Variants in SOX6 observed in about 807,000 individuals in gnomAD.
SOX6 encodes the protein SRY-box transcription factor 6.
A neutral mutation model predicts 97.8 loss-of-function variants in SOX6; 11 were observed. The ratio of observed to expected loss-of-function variants is 0.11; its 90% confidence interval spans 0.07 to 0.19. The LOEUF (loss-of-function observed/expected upper bound fraction) is 0.19. Ranked by LOEUF, SOX6 falls within the 10% of genes least tolerant of loss-of-function variation. The pLI is 1.00. For synonymous variants in SOX6, 360 were observed against 371.4 expected (o/e 0.97, Z 0.35); for missense variants, 810 against 1,039.5 (o/e 0.78, Z 3.04).
At chr11:16,244,080 T>G (rs546763398) in intron 3 of SOX6, among the ~76,000 whole-genome samples, 8 of 152,026 alleles carry the variant, frequency 5.3e-5, no homozygotes, top group Admixed American at 2.6e-4. Context: ...GACTTTATTT[T>G]TATAAACTGC....
At chr11:16,231,698 TA>T (rs1199211757) in intron 4 of SOX6, among the ~76,000 whole-genome samples, 1 of 146,946 alleles carries the variant, frequency 6.8e-6, no homozygotes, top group Non-Finnish European at 1.5e-5. Flanking sequence ...GTTTTCAAAA[TA>T]GGTGCTCTTT....
At chr11:15,997,602 A>G (rs1854265098) in intron 13 of SOX6, among the ~76,000 whole-genome samples, 1 of 152,242 alleles carries the variant, frequency 6.6e-6, no homozygotes, top group Non-Finnish European at 1.5e-5. Flanking sequence ...CAATAGATTC[A>G]GAAAATGGTT....
intron 4 of SOX6, among the ~76,000 whole-genome samples, chr11:16,225,290 C>G (rs1338558184): frequency 1.3e-5 from 2 of 151,796 alleles, no homozygotes; most frequent in East Asian, 3.9e-4. Flanking sequence ...TGATTAATCT[C>G]TAAGCATTTC....
chr11:16,372,023 C>T (rs887407171), intron 1 of SOX6, among the ~76,000 whole-genome samples: 3 of 151,990 alleles, frequency 2.0e-5, no homozygotes, highest in Admixed American at 2.0e-4. Flanking sequence ...ACAGGTAAAA[C>T]CTCCCAAATT....
At chr11:16,220,228 A>G (rs908010695) in intron 4 of SOX6, among the ~76,000 whole-genome samples, 2 of 151,986 alleles carry the variant, frequency 1.3e-5, no homozygotes, top group Non-Finnish European at 2.9e-5. Flanking sequence ...TTTTAACAGG[A>G]AGCCCTCTAA....
chr11:16,363,119 A>T (rs1046922572), intron 1 of SOX6, among the ~76,000 whole-genome samples: 1 of 152,180 alleles, frequency 6.6e-6, no homozygotes, highest in African/African-American at 2.4e-5. Flanking sequence ...TTCTAAGTCA[A>T]ATTAAACCAC....
At chr11:16,700,252 G>GA (rs373770807) in intron 3 of SOX6, among the ~76,000 whole-genome samples, 16 of 152,190 alleles carry the variant, frequency 1.1e-4, no homozygotes, top group African/African-American at 3.1e-4. Context: ...AAGTATCCAA[G>GA]AAAAGGGTAC....
intron 4 of SOX6, among the ~76,000 whole-genome samples, chr11:16,538,481 A>T (rs1861344999): frequency 6.6e-6 from 1 of 152,162 alleles, no homozygotes; most frequent in African/African-American, 2.4e-5. Flanking sequence ...AACAATATTA[A>T]CCTTAAATGT....
chr11:16,301,115 A>G (rs1173443733), intron 3 of SOX6, among the ~76,000 whole-genome samples: 1 of 152,180 alleles, frequency 6.6e-6, no homozygotes, highest in Non-Finnish European at 1.5e-5. Context: ...AATCACATCA[A>G]TTTGATTTTC....
intron 4 of SOX6, among the ~76,000 whole-genome samples, chr11:16,199,520 C>T (rs1851877143): frequency 6.6e-6 from 1 of 152,076 alleles, no homozygotes. Context: ...TTTCAGTAAA[C>T]TATAAATGTT....
At chr11:16,289,341 G>A (rs1379496927) in intron 3 of SOX6, among the ~76,000 whole-genome samples, 2 of 151,904 alleles carry the variant, frequency 1.3e-5, no homozygotes, top group African/African-American at 4.8e-5. Flanking sequence ...TAACTGACAA[G>A]TCTGGCACAC....
At chr11:16,550,386 G>A (rs1024562714) in intron 4 of SOX6, among the ~76,000 whole-genome samples, 3 of 151,956 alleles carry the variant, frequency 2.0e-5, no homozygotes, top group African/African-American at 7.3e-5. Flanking sequence ...AATGGGTGCA[G>A]CACACCAACA....
intron 9 of SOX6, among the ~76,000 whole-genome samples, chr11:16,093,235 T>A (rs138805697): frequency 3.3e-5 from 5 of 152,058 alleles, no homozygotes; most frequent in Non-Finnish European, 7.4e-5. Flanking sequence ...ATATGAGTAT[T>A]CATGCCTGCA....
At chr11:16,374,161 A>C (rs1258618017) in intron 1 of SOX6, among the ~76,000 whole-genome samples, 1 of 152,046 alleles carries the variant, frequency 6.6e-6, no homozygotes, top group Non-Finnish European at 1.5e-5. Flanking sequence ...CCTCTTCATT[A>C]TTCAGAACAT....
intron 4 of SOX6, among the ~76,000 whole-genome samples, chr11:16,557,820 TTCAGA>T (rs1283238191): frequency 1.3e-5 from 2 of 151,858 alleles, no homozygotes; most frequent in Non-Finnish European, 2.9e-5. Context: ...TTGTTCCTTT[TTCAGA>T]TCAAAGTATC....
chr11:16,314,529 G>A (rs1855706486), intron 3 of SOX6: 1 of 152,148 alleles, frequency 6.6e-6, no homozygotes. Flanking sequence ...AAAAGTTAGA[G>A]ACCATTGTTT....
intron 4 of SOX6, among the ~76,000 whole-genome samples, chr11:16,212,025 T>A (rs560814969): frequency 6.6e-6 from 1 of 152,272 alleles, no homozygotes; most frequent in East Asian, 1.9e-4. Flanking sequence ...GGTAGAAATG[T>A]ACAGTAGAAA....
At chr11:16,400,519 G>A (rs1490093395) in intron 1 of SOX6, among the ~76,000 whole-genome samples, 2 of 151,282 alleles carry the variant, frequency 1.3e-5, no homozygotes, top group Non-Finnish European at 3.0e-5. Flanking sequence ...CTGATGTAAT[G>A]GTAAAACAAA....
intron 4 of SOX6, among the ~76,000 whole-genome samples, chr11:16,517,661 T>C (rs954939835): frequency 2.6e-5 from 4 of 152,168 alleles, no homozygotes; most frequent in Admixed American, 1.3e-4. Context: ...TGTTAGGACT[T>C]AAACCCATGG....
Sources: gnomAD v4.1 joint callset for allele counts (sites outside exome capture counted in the v4.1 genomes callset) on GRCh38, gnomAD v4.1.1 for gene constraint, MANE v1.5 for transcripts, NCBI Gene and HGNC (gene_info 2026-07-23, HGNC 2026-07-21) for gene names.